Variants in DLG2 observed in about 807,000 individuals in gnomAD.
The protein encoded by DLG2 is discs large MAGUK scaffold protein 2, also known as disks large homolog 2.
Under a neutral mutation model 132.5 loss-of-function variants are expected in DLG2, and 45 were observed. The observed-to-expected ratio is 0.34, with a 90% confidence interval of 0.27 to 0.44. The LOEUF is 0.44. Ranked by LOEUF, DLG2 falls within the 20% of genes least tolerant of loss-of-function variation. The pLI is 1.00. For synonymous variants in DLG2, 424 were observed against 419.6 expected, an observed-to-expected ratio of 1.01 and a Z score of -0.13; for missense variants, 1,045 against 1,196.9, an observed-to-expected ratio of 0.87 and a Z score of 1.87.
At chr11:84,194,448 G>A (rs2154293593) in intron 8 of DLG2, among the ~76,000 whole-genome samples, 1 of 152,312 alleles carries the variant, frequency 6.6e-6, no homozygotes, top group African/African-American at 2.4e-5. Flanking sequence ...GACCCAAAGA[G>A]TGAGCAGCAG....
chr11:84,174,767 C>T (rs2095911168), intron 8 of DLG2, among the ~76,000 whole-genome samples: 1 of 152,044 alleles, frequency 6.6e-6, no homozygotes, highest in South Asian at 2.1e-4. Flanking sequence ...TTATCGATAC[C>T]CTGGAAATCA....
chr11:85,567,488 T>C (rs957596685), intron 3 of DLG2, among the ~76,000 whole-genome samples: 5 of 152,204 alleles, frequency 3.3e-5, no homozygotes, highest in Admixed American at 2.6e-4. Flanking sequence ...ATTGCTTTTG[T>C]ATTCTACAAT....
chr11:84,908,134 AT>A (rs2091722894), intron 6 of DLG2, among the ~76,000 whole-genome samples: 1 of 152,158 alleles, frequency 6.6e-6, no homozygotes, highest in Admixed American at 6.5e-5. Context: ...TCTAAAAAAA[AT>A]ATAATAAGAA....
At chr11:84,528,628 G>A (rs1442843291) in intron 7 of DLG2, among the ~76,000 whole-genome samples, 2 of 152,192 alleles carry the variant, frequency 1.3e-5, no homozygotes, top group Admixed American at 6.5e-5. Flanking sequence ...TCTGGGGGAA[G>A]CATCTGATTA....
chr11:83,938,299 T>C (rs2081944480), intron 14 of DLG2, among the ~76,000 whole-genome samples: 1 of 152,066 alleles, frequency 6.6e-6, no homozygotes, highest in Admixed American at 6.6e-5. Context: ...GAGCTAAGAA[T>C]ATGTGAAAGT....
At chr11:83,881,496 T>C (rs901232705) in intron 15 of DLG2, among the ~76,000 whole-genome samples, 1 of 152,218 alleles carries the variant, frequency 6.6e-6, no homozygotes, top group Non-Finnish European at 1.5e-5. Context: ...CTATTTCATC[T>C]AGCTTTATAT....
chr11:85,224,002 A>C (rs2074824309), intron 4 of DLG2, among the ~76,000 whole-genome samples: 1 of 152,214 alleles, frequency 6.6e-6, no homozygotes, highest in Non-Finnish European at 1.5e-5. Flanking sequence ...GACCTTGGTA[A>C]ATTATAGAAT....
intron 7 of DLG2, among the ~76,000 whole-genome samples, chr11:84,337,544 A>C (rs1222485847): frequency 6.6e-6 from 1 of 152,090 alleles, no homozygotes; most frequent in Non-Finnish European, 1.5e-5. Flanking sequence ...TCTTATTTTT[A>C]ATCTGCTTTC....
intron 7 of DLG2, among the ~76,000 whole-genome samples, chr11:84,513,782 A>C (rs551136434): frequency 4.5e-4 from 68 of 151,712 alleles, no homozygotes; most frequent in Middle Eastern, 3.4e-3. Context: ...GGCCCCCCAA[A>C]AAAAAAAATC....
chr11:85,473,213 C>G (rs1475485620), intron 3 of DLG2, among the ~76,000 whole-genome samples: 1 of 152,224 alleles, frequency 6.6e-6, no homozygotes, highest in African/African-American at 2.4e-5. Context: ...AAGCCAAGCA[C>G]AGCCTGCTGG....
At chr11:84,950,714 C>T (rs1383877657) in intron 6 of DLG2, among the ~76,000 whole-genome samples, 1 of 151,278 alleles carries the variant, frequency 6.6e-6, no homozygotes, top group Non-Finnish European at 1.5e-5. Flanking sequence ...CATAAGCACA[C>T]ACACGCACGT....
intron 8 of DLG2, among the ~76,000 whole-genome samples, chr11:84,229,870 A>G (rs146601659): frequency 6.6e-6 from 1 of 152,248 alleles, no homozygotes; most frequent in Non-Finnish European, 1.5e-5. Context: ...CATGTAAAAC[A>G]GTACCCAGTA....
intron 6 of DLG2, among the ~76,000 whole-genome samples, chr11:84,584,257 T>C (rs941231201): frequency 1.2e-4 from 19 of 152,212 alleles, no homozygotes; most frequent in African/African-American, 4.6e-4. Flanking sequence ...TCCTTTCTTA[T>C]ACGTGAGGTC....
At chr11:84,591,146 C>T (rs952032344) in intron 6 of DLG2, among the ~76,000 whole-genome samples, 4 of 151,746 alleles carry the variant, frequency 2.6e-5, no homozygotes, top group African/African-American at 9.7e-5. Context: ...TACTGTCATA[C>T]TCCATGCTGT....
intron 3 of DLG2, among the ~76,000 whole-genome samples, chr11:85,419,428 C>A (rs1018443304): frequency 6.6e-6 from 1 of 152,156 alleles, no homozygotes; most frequent in African/African-American, 2.4e-5. Flanking sequence ...TGAGGAGTAT[C>A]TTTGTGGTGT....
chr11:85,614,225 T>A (rs561767006), intron 2 of DLG2, among the ~76,000 whole-genome samples: 1 of 152,342 alleles, frequency 6.6e-6, no homozygotes, highest in Admixed American at 6.5e-5. Context: ...TTAATTCTTA[T>A]TGTTGATGTT....
intron 6 of DLG2, among the ~76,000 whole-genome samples, chr11:85,042,085 G>GA (rs1006445895): frequency 5.3e-5 from 8 of 151,130 alleles, no homozygotes; most frequent in African/African-American, 1.7e-4. Flanking sequence ...ATCAAAATTG[G>GA]AAAAAAAATA....
At chr11:83,611,818 G>A (rs2060157296) in intron 19 of DLG2, among the ~76,000 whole-genome samples, 1 of 152,178 alleles carries the variant, frequency 6.6e-6, no homozygotes, top group Non-Finnish European at 1.5e-5. Flanking sequence ...TTGTTGCCAG[G>A]TGGCAGCTGT....
At chr11:84,552,904 G>A (rs567118464) in intron 6 of DLG2, among the ~76,000 whole-genome samples, 3 of 152,228 alleles carry the variant, frequency 2.0e-5, no homozygotes, top group South Asian at 2.1e-4. Context: ...TAAAACGCAC[G>A]CACTTTGATG....
Sources: gnomAD v4.1 joint callset for allele counts (sites outside exome capture counted in the v4.1 genomes callset) on GRCh38, gnomAD v4.1.1 for gene constraint, MANE v1.5 for transcripts, NCBI Gene and HGNC (gene_info 2026-07-23, HGNC 2026-07-21) for gene names.